Variants in HLF observed in about 807,000 individuals in gnomAD.
The protein encoded by HLF is hepatic leukemia factor.
A neutral mutation model predicts 22.6 loss-of-function variants in HLF; 3 were observed. The ratio of observed to expected loss-of-function variants is 0.13; its 90% CI spans 0.06 to 0.34. HLF has a LOEUF of 0.34. Ranked by LOEUF, HLF falls within the 10% of genes least tolerant of loss-of-function variation. The pLI, the probability that HLF is intolerant of heterozygous loss-of-function variation, is 1.00. For missense variants in HLF, 299 were observed against 389.2 expected, an observed-to-expected ratio of 0.77 and a Z score of 1.95; for synonymous variants, 151 against 151.8, an observed-to-expected ratio of 0.99 and a Z score of 0.04.
At chr17:55,318,244 C>A (rs1905142053) in intron 3 of HLF, among the ~76,000 whole-genome samples, 1 of 152,158 alleles carries the variant, frequency 6.6e-6, no homozygotes, top group Admixed American at 6.5e-5. Flanking sequence ...CGCAACCCTT[C>A]TGCGATAACA....
chr17:55,265,812 A>G (rs2080782261), intron 1 of HLF: 1 of 1,304,612 alleles, frequency 7.7e-7, no homozygotes, highest in Admixed American at 4.2e-5. Flanking sequence ...CCTGAGCTAC[A>G]TTTAAAAGAG....
intron 2 of HLF, among the ~76,000 whole-genome samples, chr17:55,277,631 G>T (rs995458556): frequency 1.3e-5 from 2 of 151,718 alleles, no homozygotes; most frequent in Non-Finnish European, 2.9e-5. Context: ...GGATTGGGGG[G>T]GGTTGGACTG....
Position 55,265,499 on chromosome 17 carries a change from C to A in HLF, c.15C>A (p.Ser5=). The change falls in exon 1 of 4, where the codon TCC becomes TCA. Residue 5 remains serine (S), a synonymous_variant. Transcript: ENST00000226067. The stretch of plus-strand genomic sequence containing the variant: ...AGTGCATCGCGATGGAGAAAATGTC[C>A]CGACCGCTCCCCCTGAATCCCACCT... The part of the protein sequence containing the change: MEKM[S]RPLPLNPTFI... The A allele has an allele frequency of 6.2e-7, 1 of 1,606,236 alleles. No homozygotes were observed. The highest frequency in any genetic ancestry group is 2.3e-5 in the East Asian group (1 of 44,024).
intron 3 of HLF, chr17:55,318,936 C>A (rs932609126): frequency 7.9e-5 from 12 of 152,774 alleles, no homozygotes; most frequent in African/African-American, 2.9e-4. Flanking sequence ...AGCTCCCCTG[C>A]TCGCTTTCAG....
chr17:55,299,402 C>T (rs536782532), intron 2 of HLF, among the ~76,000 whole-genome samples: 1 of 152,124 alleles, frequency 6.6e-6, no homozygotes, highest in Non-Finnish European at 1.5e-5. Context: ...ACTTCCGTAA[C>T]CTATGCCCCA....
At chr17:55,303,705 G>A (rs1478452060) in intron 2 of HLF, among the ~76,000 whole-genome samples, 2 of 152,196 alleles carry the variant, frequency 1.3e-5, no homozygotes, top group Non-Finnish European at 2.9e-5. Flanking sequence ...GTGGCAGGAA[G>A]GGTGAGGTCT....
chr17:55,323,079 T>C lies in HLF; in HGVS notation c.*2200T>C, dbSNP rs971030769. On this transcript the variant is annotated 3_prime_UTR_variant, in exon 4 of 4. Coordinates refer to ENST00000226067, the MANE Select transcript of HLF (RefSeq NM_002126.5). ...CATCAGCAATGCTTCTCTCATAGTGTCATAGACTTGGGAAACCCAACCAGT... is the reference window on the plus strand; with the variant it reads ...CATCAGCAATGCTTCTCTCATAGTGCCATAGACTTGGGAAACCCAACCAGT... The C allele has an allele frequency of 4.5e-6, 1 of 220,090 alleles. No homozygotes were observed. 13.6% of individuals were successfully genotyped at this position (220,090 alleles called of 1,614,324 possible).
chr17:55,279,483 C>T (rs986369957), intron 2 of HLF, among the ~76,000 whole-genome samples: 1 of 152,048 alleles, frequency 6.6e-6, no homozygotes. Context: ...CCTGTAATCC[C>T]AGTGCTTTGG....
intron 2 of HLF, among the ~76,000 whole-genome samples, chr17:55,308,499 A>G (rs949833163): frequency 1.3e-5 from 2 of 152,168 alleles, no homozygotes; most frequent in African/African-American, 4.8e-5. Context: ...AAGAAGGGGG[A>G]AAAAGTCAAC....
In HLF at chr17:55,281,557, C is replaced by T. The variant is rs1022744875; in HGVS notation, c.451+13471C>T. On this transcript the variant is annotated intron_variant, in intron 2 of 3. Coordinates refer to ENST00000226067, the MANE Select transcript of HLF (RefSeq NM_002126.5). The stretch of plus-strand genomic sequence containing the variant: ...AAAAAATATCTCTGAGTCTGTCTCC[C>T]CTTTTATAAAAGAGTGAACACAATG... Among the ~76,000 whole-genome samples, 22 of 152,162 alleles carry T rather than the reference C, an allele frequency of 1.4e-4. 1 individual carries two copies. The highest frequency in any genetic ancestry group is 6.8e-3 in the Middle Eastern group (2 of 294).
intron 2 of HLF, among the ~76,000 whole-genome samples, chr17:55,304,271 G>A (rs1327698244): frequency 1.3e-5 from 2 of 152,170 alleles, no homozygotes; most frequent in Non-Finnish European, 2.9e-5. Context: ...TCTGCCACAC[G>A]GTGACCCCAC....
intron 2 of HLF, among the ~76,000 whole-genome samples, chr17:55,275,595 C>T (rs895890311): frequency 1.3e-4 from 20 of 152,170 alleles, no homozygotes; most frequent in African/African-American, 4.6e-4. Flanking sequence ...GGCTTGCAAG[C>T]AAGACTTTAC....
chr17:55,320,038 C>G lies in HLF; in HGVS notation c.673-626C>G, dbSNP rs1170522552. On this transcript the variant is annotated intron_variant, in intron 3 of 3. Coordinates refer to ENST00000226067, the MANE Select transcript of HLF (RefSeq NM_002126.5). The surrounding 1 kb of genome is among the most constrained non-coding windows in gnomAD (Gnocchi z 4.2). Reference sequence around the variant, plus strand: ...ATTATTTTTAACAGCTGCCAAGTATCCCTTTGTATGACTGTATCATAACGT... The same window carrying G: ...ATTATTTTTAACAGCTGCCAAGTATGCCTTTGTATGACTGTATCATAACGT... Among the ~76,000 whole-genome samples, 1 of 152,114 alleles carries G rather than the reference C, an allele frequency of 6.6e-6. No individual in the cohort carries two copies. The highest frequency in any genetic ancestry group is 1.5e-5 in the Non-Finnish European group (1 of 68,010).
intron 2 of HLF, among the ~76,000 whole-genome samples, chr17:55,280,355 C>A (rs1440118012): frequency 6.6e-6 from 1 of 152,190 alleles, no homozygotes; most frequent in Admixed American, 6.5e-5. Context: ...CATTTGTGGT[C>A]CTATCACCCT....
chr17:55,312,573 T>C (rs1003605375), intron 2 of HLF, among the ~76,000 whole-genome samples: 4 of 152,196 alleles, frequency 2.6e-5, no homozygotes, highest in Non-Finnish European at 5.9e-5. Flanking sequence ...TATTGATAGA[T>C]TAAAAAAGTA....
At chr17:55,280,783 T>C (rs2145314478) in intron 2 of HLF, among the ~76,000 whole-genome samples, 1 of 152,294 alleles carries the variant, frequency 6.6e-6, no homozygotes, top group Non-Finnish European at 1.5e-5. Flanking sequence ...AACTCTCCTT[T>C]CTCTGTACCA....
At chr17:55,314,788 G>A (rs1342225606) in intron 2 of HLF, among the ~76,000 whole-genome samples, 3 of 152,086 alleles carry the variant, frequency 2.0e-5, no homozygotes, top group Non-Finnish European at 4.4e-5. Context: ...CTCACACTGT[G>A]GAAGCACATG....
chr17:55,293,600 AG>A (rs1232290825), intron 2 of HLF, among the ~76,000 whole-genome samples: 2 of 152,232 alleles, frequency 1.3e-5, no homozygotes, highest in Non-Finnish European at 2.9e-5. Flanking sequence ...AACGACTGTT[AG>A]TACTTGGTAG....
At chr17:55,284,559 G>A (rs1256916666) in intron 2 of HLF, among the ~76,000 whole-genome samples, 1 of 152,178 alleles carries the variant, frequency 6.6e-6, no homozygotes, top group African/African-American at 2.4e-5. Context: ...ATAATTAGCT[G>A]GTGATGGCTG....
Sources: allele counts gnomAD v4.1 joint callset (sites outside exome capture counted in the v4.1 genomes callset), GRCh38; gene constraint gnomAD v4.1.1; non-coding constraint Gnocchi (gnomAD v3.1); transcripts MANE v1.5; gene names NCBI Gene and HGNC (gene_info 2026-07-23, HGNC 2026-07-21).